Variants in PLXNA1 observed in about 807,000 individuals in gnomAD.
PLXNA1 encodes plexin-A1.
In PLXNA1, 77 loss-of-function variants were observed where a neutral mutation model predicts 191.7. That is an observed-to-expected ratio of 0.40 (90% CI 0.33 to 0.49). The LOEUF is 0.49. Ranked by LOEUF, PLXNA1 falls within the 20% of genes least tolerant of loss-of-function variation. PLXNA1 has a pLI of 0.63. For synonymous variants in PLXNA1, 1,137 were observed against 1,156.4 expected (o/e 0.98, Z 0.34); for missense variants, 2,110 against 2,660.2 (o/e 0.79, Z 4.55).
Position 127,014,370 on chromosome 3 carries a change from C to T in PLXNA1, c.2599C>T (p.Leu867Phe), listed in dbSNP as rs761250156. Residue 867 changes from leucine to phenylalanine, a missense_variant, in exon 12 of 32, where the codon CTC (leucine) becomes TTC (phenylalanine). This residue lies in a region of PLXNA1 where 644 missense variants were observed against 714.3 expected (regional missense o/e 0.90). Coordinates refer to ENST00000393409, the MANE Select transcript of PLXNA1 (RefSeq NM_032242.4). ...CAGTCGCTGCACCGACCCCAAGATC[C>T]TCAAGGTAGGGCCCCCAGCCCTGCC... The part of the protein sequence containing the change: ...GSSRCTDPKI[L>F]KLSPETGPRQ... 135 of 1,591,420 alleles carry T rather than the reference C, an allele frequency of 8.5e-5. No individual in the cohort carries two copies. The highest frequency in any genetic ancestry group is 1.0e-4 in the Non-Finnish European group (121 of 1,175,532).
intron 1 of PLXNA1, among the ~76,000 whole-genome samples, chr3:126,985,509 C>T (rs2078953946): frequency 6.6e-6 from 1 of 151,410 alleles, no homozygotes; most frequent in Admixed American, 6.6e-5. Context: ...CCACCCCCAC[C>T]ACGAATGCCC....
intron 20 of PLXNA1, among the ~76,000 whole-genome samples, chr3:127,019,186 C>A (rs2079140663): frequency 6.7e-6 from 1 of 149,850 alleles, no homozygotes; most frequent in Non-Finnish European, 1.5e-5. Flanking sequence ...GTTCCTGCTG[C>A]AGTGTAGGAC....
chr3:127,014,340 G>A lies in PLXNA1; in HGVS notation c.2569G>A (p.Gly857Ser), dbSNP rs376939175. ...TPASWMHARH[G>S]SSRCTDPKIL... The stretch of plus-strand genomic sequence containing the variant: ...TGCATCGTGGATGCACGCGCGTCAC[G>A]GCAGCAGTCGCTGCACCGACCCCAA... The change falls in exon 12 of 32, where the codon GGC becomes AGC. Residue 857 changes from glycine (G) to serine (S), a missense_variant. Physicochemically the swap from Gly to Ser is moderately conservative, Grantham distance 56. Transcript: ENST00000393409. The A allele has an allele frequency of 1.0e-4, 162 of 1,595,338 alleles. No individual in the cohort carries two copies. Among genetic ancestry groups the A allele is most frequent in the East Asian group, 2.0e-4 (9 of 44,520 alleles).
At chr3:127,026,484 C>T (rs1274394560) in intron 23 of PLXNA1, 1 of 152,222 alleles carries the variant, frequency 6.6e-6, no homozygotes, top group South Asian at 2.1e-4. Flanking sequence ...TGGGAACCCT[C>T]GGACAGGTGT....
intron 23 of PLXNA1, chr3:127,027,666 A>G: frequency 6.7e-6 from 4 of 598,258 alleles, no homozygotes; most frequent in South Asian, 6.1e-5. Flanking sequence ...GTGCCACGCC[A>G]TGTTCCTCGA....
At chr3:127,017,995 C>T in intron 19 of PLXNA1, 103 bp downstream of exon 19, 1 of 1,477,806 alleles carries the variant, frequency 6.8e-7, no homozygotes, top group Non-Finnish European at 9.1e-7. Flanking sequence ...CGAGACTCAC[C>T]CCTAGCTCAG....
rs1576687673 is a variant in PLXNA1, at chr3:127,022,320, A to C, written c.4274A>C (p.His1425Pro). The C allele has an allele frequency of 6.2e-7, 1 of 1,610,238 alleles. No individual in the cohort carries two copies. The highest frequency in any genetic ancestry group is 8.5e-7 in the Non-Finnish European group (1 of 1,177,562). The change falls in exon 22 of 32, where the codon CAC becomes CCC. Residue 1425 changes from histidine to proline, a missense_variant. By Grantham distance (77) the His-to-Pro change is moderately conservative. Transcript: ENST00000393409. ...GAGAAGAACCTGGAGAGCAAGAACC[A>C]CCCCAAGCTGCTACTGCGCCGGTGA... ...LIEKNLESKN[H>P]PKLLLRRTES... is the part of the protein sequence containing the mutation.
rs769475990 is a variant in PLXNA1 at position 127,027,933 on chromosome 3, C to G, written c.4363-7C>G. 6.2e-7 allele frequency: 1 copy of G among 1,613,144 alleles called. No individual in the cohort carries two copies. The highest frequency in any genetic ancestry group is 8.5e-7 in the Non-Finnish European group (1 of 1,179,926). On this transcript the variant is annotated splice_polypyrimidine_tract_variant and splice_region_variant and intron_variant, in intron 23 of 31. Coordinates refer to ENST00000393409, the MANE Select transcript of PLXNA1 (RefSeq NM_032242.4). ...CTGGCTGCAGCCTCATGCCGCCACC[C>G]CCGCAGGAGTGCGCTGGGGAGCCGC...
At position 126,991,551 on chromosome 3, in the gene PLXNA1, T is replaced by C. The variant is rs775711150; in HGVS notation, c.1362T>C (p.Ser454=). Residue 454 remains serine, a synonymous_variant, in exon 3 of 32, where the codon AGT becomes AGC. Coordinates refer to ENST00000393409, the MANE Select transcript of PLXNA1 (RefSeq NM_032242.4). Reference sequence around the variant, plus strand: ...CTGTGGTATTCGCCGGCACGCGAAGTGGCCGCATCCGCAAGGTCAGGCCTG... The same window carrying C: ...CTGTGGTATTCGCCGGCACGCGAAGCGGCCGCATCCGCAAGGTCAGGCCTG... ...GRTVVFAGTR[S]GRIRKILVDL... 1.9e-5 allele frequency: 30 copies of C among 1,579,856 alleles called. No homozygotes were observed. Among genetic ancestry groups the C allele is most frequent in the Admixed American group, 1.9e-4 (11 of 58,432 alleles).
Position 126,988,553 on chromosome 3 carries a change from C to A in PLXNA1, c.-41C>A. The A allele has an allele frequency of 6.9e-7, 1 of 1,442,258 alleles. No individual in the cohort carries two copies. Among genetic ancestry groups the A allele is most frequent in the Non-Finnish European group, 9.1e-7 (1 of 1,098,698 alleles). 89.3% of individuals were successfully genotyped at this position (1,442,258 alleles called of 1,614,324 possible). On this transcript the variant is annotated 5_prime_UTR_variant, in exon 2 of 32. Transcript: ENST00000393409. ...GCTCCTGGCACCATGATGCTCACCCCAGCAGGACCAGAGCACCGAGGCCCA... is the reference window on the plus strand; with the variant it reads ...GCTCCTGGCACCATGATGCTCACCCAAGCAGGACCAGAGCACCGAGGCCCA...
At chr3:126,994,254 C>A (rs2079004726) in intron 3 of PLXNA1, among the ~76,000 whole-genome samples, 1 of 152,252 alleles carries the variant, frequency 6.6e-6, no homozygotes, top group African/African-American at 2.4e-5. Flanking sequence ...TCCTCAGTGA[C>A]CCCCTCTCTG....
In PLXNA1 at chr3:126,989,805, G is replaced by A. The variant is rs1461774642; in HGVS notation, c.1194+18G>A. On this transcript the variant is annotated intron_variant, in intron 2 of 31. Transcript: ENST00000393409. Reference sequence around the variant, plus strand: ...TCAACTCGGTGAGTTGGGCAGGGGCGCCCCTCCTCCCGCGGCCCCATCCCC... The same window carrying A: ...TCAACTCGGTGAGTTGGGCAGGGGCACCCCTCCTCCCGCGGCCCCATCCCC... The A allele has an allele frequency of 4.4e-6, 7 of 1,580,926 alleles. No homozygotes were observed. The highest frequency in any genetic ancestry group is 3.5e-5 in the South Asian group (3 of 86,944).
In PLXNA1 at chr3:127,033,944, A is replaced by C. The variant is rs866183492; in HGVS notation, c.5618A>C (p.Asp1873Ala). The change falls in exon 32 of 32, where the codon GAT becomes GCT. Residue 1873 changes from aspartate (D) to alanine (A), a missense_variant. Asp to Ala is a moderately radical substitution (Grantham distance 126). Transcript: ENST00000393409. ...CAGATCCTGGCAGCCCTGGAGAAGGATGAGCAGGCGCGGCGGCAGCGGCTG... is the reference window on the plus strand; with the variant it reads ...CAGATCCTGGCAGCCCTGGAGAAGGCTGAGCAGGCGCGGCGGCAGCGGCTG... ...KDEILAALEKDEQARRQRLRS... is the reference protein window; with the variant it reads ...KDEILAALEKAEQARRQRLRS... 1.2e-6 allele frequency: 2 copies of C among 1,604,902 alleles called. No homozygotes were observed. Among genetic ancestry groups the C allele is most frequent in the Admixed American group, 3.4e-5 (2 of 58,894 alleles).
chr3:126,985,410 G>A (rs2078953313), intron 1 of PLXNA1, among the ~76,000 whole-genome samples: 1 of 151,998 alleles, frequency 6.6e-6, no homozygotes, highest in African/African-American at 2.4e-5. Flanking sequence ...GAACAGCTCT[G>A]GCCATGCCGG....
intron 9 of PLXNA1, among the ~76,000 whole-genome samples, chr3:127,010,343 C>T (rs763243731): frequency 6.6e-6 from 1 of 152,226 alleles, no homozygotes; most frequent in Non-Finnish European, 1.5e-5. Context: ...CACTGCAGGC[C>T]TCCTGTCAGA....
intron 2 of PLXNA1, 29 bp downstream of exon 2, chr3:126,989,816 C>T (rs760397282): frequency 1.4e-5 from 22 of 1,554,552 alleles, no homozygotes; most frequent in South Asian, 7.1e-5. Context: ...CCCCTCCTCC[C>T]GCGGCCCCAT....
rs758697652 is a variant in PLXNA1 at position 127,005,274 on chromosome 3, G to C, written c.1897+31G>C. 14 of 1,581,008 alleles carry C rather than the reference G, an allele frequency of 8.9e-6. No homozygotes were observed. The South Asian group carries it at 1.6e-4, about 18-fold the overall frequency. ...TGGCCCCAACACAATGGTGCCCGCT[G>C]CCTGGCCAGGTCCAGGGCTGCAATC... On this transcript the variant is annotated intron_variant, in intron 7 of 31. Transcript: ENST00000393409.
intron 3 of PLXNA1, among the ~76,000 whole-genome samples, chr3:126,999,749 T>C (rs1159315446): frequency 6.6e-6 from 1 of 152,122 alleles, no homozygotes; most frequent in African/African-American, 2.4e-5. Context: ...CCCTGCCTGC[T>C]GTGTCCTGGG....
chr3:127,005,580 C>T (rs2079063133), intron 7 of PLXNA1, among the ~76,000 whole-genome samples: 1 of 152,242 alleles, frequency 6.6e-6, no homozygotes, highest in Non-Finnish European at 1.5e-5. Context: ...GCCATCCCTA[C>T]TGGCATTAAG....
Sources: gnomAD v4.1 joint callset for allele counts (sites outside exome capture counted in the v4.1 genomes callset) on GRCh38, gnomAD v4.1.1 for gene constraint, gnomAD v4.1.1 regional missense constraint, MANE v1.5 for transcripts, NCBI Gene and HGNC (gene_info 2026-07-23, HGNC 2026-07-21) for gene names.